The following CANX variants were observed in gnomAD, a reference collection of about 807,000 sequenced individuals.
The protein encoded by CANX is calnexin, also known as epididymis secretory sperm binding protein.
CANX carries 14 observed loss-of-function variants against 75.7 expected under a neutral mutation model. That is an observed-to-expected ratio of 0.19 (90% CI 0.12 to 0.29). The LOEUF is 0.29. Ranked by LOEUF, CANX falls within the 10% of genes least tolerant of loss-of-function variation. CANX has a pLI of 1.00. For synonymous variants in CANX, 227 were observed against 236.9 expected, an observed-to-expected ratio of 0.96 and a Z score of 0.38; for missense variants, 567 against 713.2, an observed-to-expected ratio of 0.79 and a Z score of 2.34.
chr5:179,717,608 C>T lies in CANX; in HGVS notation c.911+1314C>T, dbSNP rs183953034. Among the ~76,000 whole-genome samples the T allele has an allele frequency of 2.0e-3, 309 of 152,190 alleles. 2 individuals are homozygous for T. The highest frequency in any genetic ancestry group is 6.8e-3 in the African/African-American group (282 of 41,528). ...TTGATAATGCCACATTTTATTTATC[C>T]ATCCTTTGGTGGACATTTAGGTTGT... On this transcript the variant is annotated intron_variant, in intron 8 of 14. Transcript: ENST00000247461.
chr5:179,690,746 G>A (rs569602996), intron 1 of CANX, among the ~76,000 whole-genome samples: 4 of 149,206 alleles, frequency 2.7e-5, no homozygotes, highest in African/African-American at 4.9e-5. Flanking sequence ...AAAATTAGCC[G>A]GGCGCGGTGG....
rs1293458356 is a variant in CANX, at chr5:179,692,126, G to A, written c.-4+13349G>A. Among the ~76,000 whole-genome samples the A allele has an allele frequency of 6.0e-5, 9 of 151,006 alleles. No individual in the cohort carries two copies. The South Asian group carries it at 6.3e-4, about 10-fold the overall frequency. On this transcript the variant is annotated intron_variant, in intron 1 of 14. Transcript: ENST00000681674. ...GTCTCGCTCTGTTGCCCAGGCTGGA[G>A]TGCAGTGGTGCGATCTCGGCTCACT...
At chr5:179,721,191 ACT>A in intron 10 of CANX, among the ~76,000 whole-genome samples, 1 of 148,458 alleles carries the variant, frequency 6.7e-6, no homozygotes, top group Non-Finnish European at 1.5e-5. Context: ...AATTCTCCTG[ACT>A]CAGCCTCCCG....
intron 1 of CANX, 61 bp from the exon 2 acceptor site, chr5:179,705,618 T>C: frequency 8.3e-7 from 1 of 1,203,554 alleles, no homozygotes; most frequent in Non-Finnish European, 1.2e-6. Context: ...GAGTGGTTAG[T>C]GATCTTCATG....
chr5:179,680,869 A>G (rs1361867146), intron 1 of CANX: 1 of 1,534,500 alleles, frequency 6.5e-7, no homozygotes, highest in East Asian at 2.4e-5. Flanking sequence ...TGGATGGTAC[A>G]TACCATCCCC....
chr5:179,681,717 G>C (rs917056830), intron 1 of CANX, among the ~76,000 whole-genome samples: 3 of 152,106 alleles, frequency 2.0e-5, no homozygotes, highest in African/African-American at 4.8e-5. Flanking sequence ...CAGCTGAGGA[G>C]GGAGGAAGAT....
chr5:179,722,769 T>G (rs768769876), intron 10 of CANX, 35 bp from the exon 11 acceptor site: 2 of 1,460,684 alleles, frequency 1.4e-6, no homozygotes, highest in African/African-American at 2.8e-5. Context: ...TTGATCATTA[T>G]CTGAAATGAT....
At chr5:179,684,919 ATTTTGTATTTTTTTTTTT>A (rs1776159124) in intron 1 of CANX, among the ~76,000 whole-genome samples, 1 of 95,232 alleles carries the variant, frequency 1.1e-5, no homozygotes, top group African/African-American at 4.3e-5. Context: ...CACCTGGCTA[ATTTTGTATTTTTTTTTTT>A]TTTTTTTTTT....
At chr5:179,707,243 G>C in intron 4 of CANX, 53 bp downstream of exon 4, 1 of 972,756 alleles carries the variant, frequency 1.0e-6, no homozygotes, top group Non-Finnish European at 1.7e-6. Flanking sequence ...TTGACATGTT[G>C]TCTCCATGGC....
chr5:179,695,220 T>A (rs930082741), upstream of CANX, among the ~76,000 whole-genome samples: 4 of 151,686 alleles, frequency 2.6e-5, no homozygotes, highest in Non-Finnish European at 4.4e-5. Flanking sequence ...GGCTAATTTT[T>A]TTGTGTGTGT....
At chr5:179,709,131 G>T (rs1032375825) in intron 6 of CANX, 72 bp downstream of exon 6, 1 of 923,756 alleles carries the variant, frequency 1.1e-6, no homozygotes, top group East Asian at 2.4e-5. Context: ...TAATTGGGCC[G>T]GGTGCAGTGG....
chr5:179,684,956 T>TTTTTTTTTTTA (rs1776163257), intron 1 of CANX, among the ~76,000 whole-genome samples: 1 of 98,998 alleles, frequency 1.0e-5, no homozygotes, highest in East Asian at 2.9e-4. Flanking sequence ...TTTTTTTTTT[T>TTTTTTTTTTTA]ACTAGAGACA....
chr5:179,698,471 G>A (rs1452519027), upstream of CANX: 2 of 1,289,098 alleles, frequency 1.6e-6, no homozygotes, highest in African/African-American at 1.5e-5. Flanking sequence ...CGCCCGTAGG[G>A]GCCCGCGTTC....
intron 1 of CANX, among the ~76,000 whole-genome samples, chr5:179,688,807 C>T (rs1170607082): frequency 6.6e-6 from 1 of 151,412 alleles, no homozygotes; most frequent in East Asian, 2.0e-4. Flanking sequence ...ATGGTGAAAC[C>T]CCTACTAAAA....
intron 7 of CANX, among the ~76,000 whole-genome samples, chr5:179,711,212 C>G (rs1332642944): frequency 6.6e-6 from 1 of 152,154 alleles, no homozygotes; most frequent in Admixed American, 6.6e-5. Context: ...TTGCTTGAGT[C>G]CAGGAGTTCC....
exon 1 of CANX, chr5:179,678,709 C>G (rs562797198): frequency 2.3e-5 from 35 of 1,536,952 alleles, no homozygotes; most frequent in Non-Finnish European, 3.1e-5. Context: ...TGCGCTGCTT[C>G]TCCAGCAAGT....
chr5:179,708,231 T>C lies in CANX; in HGVS notation c.305-8T>C. Reference sequence around the variant, plus strand: ...TAAGCAGTGGAACTTTTTTGTGTTGTCTTGTAGGAAAGTGGGAGGTAGAGG... The same window carrying C: ...TAAGCAGTGGAACTTTTTTGTGTTGCCTTGTAGGAAAGTGGGAGGTAGAGG... On this transcript the variant is annotated splice_region_variant and splice_polypyrimidine_tract_variant and intron_variant, in intron 4 of 14. Transcript: ENST00000247461. 1 of 1,613,224 alleles carries C rather than the reference T, an allele frequency of 6.2e-7. No homozygotes were observed. The highest frequency in any genetic ancestry group is 1.7e-4 in the Middle Eastern group (1 of 6,060).
In CANX at chr5:179,728,979, A is replaced by C. The variant is rs1408476436; in HGVS notation, c.*335A>C. On this transcript the variant is annotated 3_prime_UTR_variant, in exon 15 of 15. Coordinates refer to ENST00000247461, the MANE Select transcript of CANX (RefSeq NM_001746.4). Reference sequence around the variant, plus strand: ...TGCCAGTCTTTAAGATCTTGGCTTAATTTAATGTATTAATCTGTTTGTGCA... The same window carrying C: ...TGCCAGTCTTTAAGATCTTGGCTTACTTTAATGTATTAATCTGTTTGTGCA... The C allele has an allele frequency of 2.8e-6, 1 of 355,806 alleles. No homozygotes were observed. Among genetic ancestry groups the C allele is most frequent in the East Asian group, 7.2e-5 (1 of 13,908 alleles). The allele number at this position is 355,806 out of a possible 1,614,324, so 22.0% of individuals were successfully genotyped here.
At chr5:179,699,304 G>A (rs1171496467) in intron 1 of CANX, among the ~76,000 whole-genome samples, 17 of 152,180 alleles carry the variant, frequency 1.1e-4, no homozygotes, top group Non-Finnish European at 2.4e-4. Context: ...GGCCCAGGCC[G>A]CGCCGCCGGG....
Sources: gnomAD v4.1 joint callset for allele counts (sites outside exome capture counted in the v4.1 genomes callset) on GRCh38, gnomAD v4.1.1 for gene constraint, MANE v1.5 for transcripts, NCBI Gene and HGNC (gene_info 2026-07-23, HGNC 2026-07-21) for gene names.